Variants in MRPS18B observed in about 807,000 individuals in gnomAD.
MRPS18B encodes small ribosomal subunit protein mS40.
A neutral mutation model predicts 28.4 loss-of-function variants in MRPS18B; 27 were observed. The ratio of observed to expected loss-of-function variants is 0.95; its 90% CI spans 0.70 to 1.31. MRPS18B has a LOEUF of 1.31. MRPS18B is among the 40% of genes most tolerant of loss of function. MRPS18B has a pLI of 0.00. For synonymous variants in MRPS18B, 118 were observed against 123.7 expected (o/e 0.95, Z 0.30); for missense variants, 343 against 335.9 (o/e 1.02, Z -0.17).
In MRPS18B at chr6:30,619,750, T is replaced by G. The variant is rs1183845444; in HGVS notation, c.229T>G (p.Tyr77Asp). Residue 77 changes from tyrosine to aspartate, a missense_variant, in exon 3 of 7, where the codon TAC becomes GAC. Coordinates refer to ENST00000259873, the MANE Select transcript of MRPS18B (RefSeq NM_014046.4). The part of the protein sequence containing the change: ...RYGSRPVWAD[Y>D]RRNHKGGVPP... ...TGGTTCTCGCCCCGTCTGGGCTGAC[T>G]ACCGCCGCAACCACAAGGGTGGTGT... The G allele has an allele frequency of 6.2e-7, 1 of 1,614,232 alleles. No individual in the cohort carries two copies. Among genetic ancestry groups the G allele is most frequent in the East Asian group, 2.2e-5 (1 of 44,892 alleles).
chr6:30,619,799 C>T lies in MRPS18B; in HGVS notation c.278C>T (p.Thr93Ile). ...GGVPPQRTRK[T>I]CIRRNKVVGN... Reference sequence around the variant, plus strand: ...GTACCCCCACAGCGGACTCGGAAGACATGTATTGTGAGTTTCTGAGAGTGG... The same window carrying T: ...GTACCCCCACAGCGGACTCGGAAGATATGTATTGTGAGTTTCTGAGAGTGG... The change falls in exon 3 of 7, where the codon ACA becomes ATA. Residue 93 changes from threonine (T) to isoleucine (I), a missense_variant. Coordinates refer to ENST00000259873, the MANE Select transcript of MRPS18B (RefSeq NM_014046.4). The T allele has an allele frequency of 6.2e-7, 1 of 1,614,130 alleles. No homozygotes were observed. Among genetic ancestry groups the T allele is most frequent in the South Asian group, 1.1e-5 (1 of 91,080 alleles).
At chr6:30,624,980 G>T (rs763152082) in intron 6 of MRPS18B, 38 bp downstream of exon 6, 4 of 1,608,234 alleles carry the variant, frequency 2.5e-6, no homozygotes, top group African/African-American at 2.7e-5. Context: ...TTTTGTTTAG[G>T]TATAAGGAAG....
chr6:30,619,428 G>C, intron 1 of MRPS18B, 65 bp from the exon 2 acceptor site: 1 of 1,357,546 alleles, frequency 7.4e-7, no homozygotes, highest in Non-Finnish European at 1.0e-6. Context: ...TCCAAAGTGT[G>C]ATAAGCAAAA....
At position 30,619,992 on chromosome 6, in the gene MRPS18B, A is replaced by G. The variant is rs764335070; in HGVS notation, c.354+3A>G. 2 of 1,613,526 alleles carry G rather than the reference A, an allele frequency of 1.2e-6. No individual in the cohort carries two copies. The highest frequency in any genetic ancestry group is 2.2e-5 in the South Asian group (2 of 91,064). ...ACAAGTTGCATGTTGACTTTAGGGT[A>G]AGGAGAGTCTTTTCTTTTTAGGGTA... On this transcript the variant is annotated splice_donor_region_variant and intron_variant, in intron 4 of 6. Transcript: ENST00000259873.
chr6:30,618,809 C>T (rs1002416888), intron 1 of MRPS18B, among the ~76,000 whole-genome samples: 14 of 152,212 alleles, frequency 9.2e-5, no homozygotes, highest in Non-Finnish European at 2.1e-4. Context: ...TGCATCCCCT[C>T]CCCACCACAC....
Position 30,619,760 on chromosome 6 carries a change from A to C in MRPS18B, c.239A>C (p.Asn80Thr). 6.2e-7 allele frequency: 1 copy of C among 1,614,242 alleles called. No homozygotes were observed. The highest frequency in any genetic ancestry group is 8.5e-7 in the Non-Finnish European group (1 of 1,180,036). ...SRPVWADYRR[N>T]HKGGVPPQRT... ...CCCGTCTGGGCTGACTACCGCCGCA[A>C]CCACAAGGGTGGTGTACCCCCACAG... is the stretch of plus-strand genomic sequence containing the variant. The change falls in exon 3 of 7, where the codon AAC becomes ACC. Residue 80 changes from asparagine to threonine, a missense_variant. Asn to Thr is a moderately conservative substitution (Grantham distance 65). Coordinates refer to ENST00000259873, the MANE Select transcript of MRPS18B (RefSeq NM_014046.4).
At chr6:30,620,056 G>A (rs1458487086) in intron 4 of MRPS18B, 67 bp downstream of exon 4, 29 of 1,495,486 alleles carry the variant, frequency 1.9e-5, no homozygotes, top group East Asian at 4.5e-5. Context: ...GGTGGCTCAC[G>A]CCTGTAATCC....
intron 1 of MRPS18B, chr6:30,618,760 G>A (rs1369119410): frequency 6.6e-6 from 1 of 152,162 alleles, no homozygotes; most frequent in Non-Finnish European, 1.5e-5. Context: ...GGGCAACTCA[G>A]TGACTTCATT....
chr6:30,622,394 C>T (rs955642555), intron 4 of MRPS18B, among the ~76,000 whole-genome samples: 1 of 151,668 alleles, frequency 6.6e-6, no homozygotes, highest in Non-Finnish European at 1.5e-5. Flanking sequence ...AACCGCATCT[C>T]TACTAAAGAT....
At chr6:30,621,228 C>T (rs1474635752) in intron 4 of MRPS18B, among the ~76,000 whole-genome samples, 1 of 150,470 alleles carries the variant, frequency 6.6e-6, no homozygotes, top group Non-Finnish European at 1.5e-5. Context: ...GTGGTGAAAC[C>T]CTGTCTCTAC....
chr6:30,619,427 T>G, intron 1 of MRPS18B, 66 bp from the exon 2 acceptor site: 1 of 1,342,102 alleles, frequency 7.5e-7, no homozygotes, highest in Non-Finnish European at 1.1e-6. Flanking sequence ...TTCCAAAGTG[T>G]GATAAGCAAA....
chr6:30,625,480 C>A, intron 6 of MRPS18B, 22 bp from the exon 7 acceptor site: 1 of 1,510,608 alleles, frequency 6.6e-7, no homozygotes, highest in East Asian at 2.3e-5. Context: ...TCTTAAATTT[C>A]TTTTCTTTTT....
chr6:30,618,671 C>T (rs116615257), intron 1 of MRPS18B: 1 of 152,278 alleles, frequency 6.6e-6, no homozygotes, highest in African/African-American at 2.4e-5. Flanking sequence ...TAATAACAGC[C>T]TTGGTAGCTT....
chr6:30,620,387 A>G (rs1263212680), intron 4 of MRPS18B, among the ~76,000 whole-genome samples: 2 of 152,152 alleles, frequency 1.3e-5, no homozygotes, highest in Non-Finnish European at 2.9e-5. Flanking sequence ...TTGCAGTGCC[A>G]AAGAGATTAC....
At position 30,619,719 on chromosome 6, in the gene MRPS18B, G is replaced by A. The variant is rs571367463; in HGVS notation, c.198G>A (p.Glu66=). Residue 66 remains glutamate, a synonymous_variant, in exon 3 of 7, where the codon GAG becomes GAA. Coordinates refer to ENST00000259873, the MANE Select transcript of MRPS18B (RefSeq NM_014046.4). ...WKYLESEEYQ[E]RYGSRPVWAD... ...GATCTTTCATTTCAGAATACCAGGA[G>A]CGATATGGTTCTCGCCCCGTCTGGG... The A allele has an allele frequency of 5.0e-6, 8 of 1,613,940 alleles. No homozygotes were observed. The highest frequency in any genetic ancestry group is 6.8e-6 in the Non-Finnish European group (8 of 1,180,048).
intron 5 of MRPS18B, among the ~76,000 whole-genome samples, chr6:30,623,369 C>T (rs576169955): frequency 4.5e-4 from 68 of 151,852 alleles, no homozygotes; most frequent in African/African-American, 1.6e-3. Context: ...AAAACAAGTA[C>T]TTCTGTAAGC....
At position 30,617,889 on chromosome 6, in the gene MRPS18B, C is replaced by A. The variant is rs750755136; in HGVS notation, c.24C>A (p.Thr8=). The part of the protein sequence containing the change: MAASVLN[T]VLRRLPMLSL... ...AGATGGCGGCGTCTGTATTAAACAC[C>A]GTGCTGAGGCGGCTTCCTATGCTAT... The change falls in exon 1 of 7, where the codon ACC becomes ACA. Residue 8 remains threonine (T), a synonymous_variant. Transcript: ENST00000259873. The A allele has an allele frequency of 1.2e-6, 2 of 1,614,172 alleles. No individual in the cohort carries two copies. The highest frequency in any genetic ancestry group is 1.7e-6 in the Non-Finnish European group (2 of 1,180,046).
At chr6:30,623,080 C>G (rs1455072950) in intron 5 of MRPS18B, among the ~76,000 whole-genome samples, 182 bp downstream of exon 5, 1 of 152,046 alleles carries the variant, frequency 6.6e-6, no homozygotes, top group Non-Finnish European at 1.5e-5. Context: ...AAGAAAACAA[C>G]AAATACAGCC....
chr6:30,624,246 C>CTGTG (rs1269730708), intron 5 of MRPS18B, among the ~76,000 whole-genome samples: 3 of 152,126 alleles, frequency 2.0e-5, no homozygotes, highest in African/African-American at 4.8e-5. Flanking sequence ...GCACGTGCCA[C>CTGTG]TGTGCCTGGC....
Sources: allele counts gnomAD v4.1 joint callset (sites outside exome capture counted in the v4.1 genomes callset), GRCh38; gene constraint gnomAD v4.1.1; transcripts MANE v1.5; gene names NCBI Gene and HGNC (gene_info 2026-07-23, HGNC 2026-07-21).